KCNIP4: variants seen among roughly 807,000 people sequenced by gnomAD.
KCNIP4 encodes the protein potassium voltage-gated channel interacting protein 4, also known as Kv channel-interacting protein 4.
Under a neutral mutation model 34.0 loss-of-function variants are expected in KCNIP4, and 12 were observed. That is an observed-to-expected ratio of 0.35 (90% CI 0.23 to 0.57). The LOEUF is 0.57. Among genes scored for constraint, KCNIP4 ranks in the 20% least tolerant of loss-of-function variants. The pLI, the probability that KCNIP4 is intolerant of heterozygous loss-of-function variation, is 0.83. For synonymous variants in KCNIP4, 124 were observed against 102.2 expected, an observed-to-expected ratio of 1.21 and a Z score of -1.29; for missense variants, 238 against 311.7, an observed-to-expected ratio of 0.76 and a Z score of 1.78.
At chr4:21,208,354 G>T (rs574934437) in intron 1 of KCNIP4, among the ~76,000 whole-genome samples, 11 of 152,208 alleles carry the variant, frequency 7.2e-5, no homozygotes, top group African/African-American at 1.4e-4. Context: ...CTCTTTCTAA[G>T]ATACATCAAG....
chr4:21,381,973 C>A (rs1721553639), intron 1 of KCNIP4, among the ~76,000 whole-genome samples: 1 of 152,028 alleles, frequency 6.6e-6, no homozygotes, highest in African/African-American at 2.4e-5. Context: ...CAACAGGCTG[C>A]AAAAGAGACA....
chr4:21,583,356 G>A (rs928960249), intron 1 of KCNIP4, among the ~76,000 whole-genome samples: 6 of 151,906 alleles, frequency 3.9e-5, no homozygotes, highest in Admixed American at 2.0e-4. Context: ...GGATCCTCAT[G>A]GGCAAAATTA....
At position 20,922,547 on chromosome 4, in the gene KCNIP4, G is replaced by GTCTGTCTGTCTATCTATCTATCTA. The variant is rs373186954; in HGVS notation, c.62-39839_62-39838insTAGATAGATAGATAGACAGACAGA. Among the ~76,000 whole-genome samples, 532 of 129,494 alleles carry GTCTGTCTGTCTATCTATCTATCTA rather than the reference G, an allele frequency of 4.1e-3. 2 individuals are homozygous for GTCTGTCTGTCTATCTATCTATCTA. The highest frequency in any genetic ancestry group is 0.016 in the Middle Eastern group (4 of 248). 85.0% of individuals were successfully genotyped at this position (129,494 alleles called of 152,430 possible). A position where few individuals can be genotyped will look rare whatever the true frequency, so the allele number is the denominator to read the frequency against. On this transcript the variant is annotated intron_variant, in intron 1 of 8. Transcript: ENST00000382152. ...TGTCTGTCTGTCTGTCTGTCTGTCT[G>GTCTGTCTGTCTATCTATCTATCTA]TCTATCTATCTATCTATCTATCTAT...
intron 1 of KCNIP4, among the ~76,000 whole-genome samples, chr4:21,045,141 GA>G (rs1348205329): frequency 6.6e-6 from 1 of 152,180 alleles, no homozygotes; most frequent in African/African-American, 2.4e-5. Flanking sequence ...CTATGAACAA[GA>G]GATCTATAGT....
At chr4:21,342,004 T>G (rs1373060292) in intron 1 of KCNIP4, among the ~76,000 whole-genome samples, 1 of 152,102 alleles carries the variant, frequency 6.6e-6, no homozygotes, top group African/African-American at 2.4e-5. Context: ...TGTCCCCTCT[T>G]ATAAGGACTA....
intron 1 of KCNIP4, among the ~76,000 whole-genome samples, chr4:21,248,962 G>A (rs1421184232): frequency 6.6e-6 from 1 of 152,076 alleles, no homozygotes; most frequent in Non-Finnish European, 1.5e-5. Flanking sequence ...AACCCAAGTG[G>A]TCAACCAGTA....
At chr4:21,433,759 A>G (rs1440649612) in intron 1 of KCNIP4, among the ~76,000 whole-genome samples, 2 of 152,074 alleles carry the variant, frequency 1.3e-5, no homozygotes, top group Non-Finnish European at 1.5e-5. Flanking sequence ...TTCCTTCCTA[A>G]TCTGAATCTC....
chr4:21,129,927 A>G lies in KCNIP4; in HGVS notation c.62-247218T>C, dbSNP rs183016400. Among the ~76,000 whole-genome samples the G allele has an allele frequency of 7.2e-5, 11 of 152,028 alleles. No homozygotes were observed. The East Asian group carries it at 1.9e-3, about 27-fold the overall frequency. On this transcript the variant is annotated intron_variant, in intron 1 of 8. Transcript: ENST00000382152. ...AGTGTGAATGTAAATGATGTTTTGT[A>G]TATCACTGACTCAAAGACTTCTTAC... is the stretch of plus-strand genomic sequence containing the variant.
chr4:21,414,329 A>G (rs1243159264), intron 1 of KCNIP4, among the ~76,000 whole-genome samples: 5 of 152,220 alleles, frequency 3.3e-5, no homozygotes, highest in African/African-American at 4.8e-5. Flanking sequence ...AGACATATAA[A>G]ACAATGTCCA....
chr4:21,705,527 C>A (rs1713197259), intron 1 of KCNIP4, among the ~76,000 whole-genome samples: 1 of 152,170 alleles, frequency 6.6e-6, no homozygotes, highest in South Asian at 2.1e-4. Flanking sequence ...GCTGAATATA[C>A]ATGAGTGAAC....
intron 1 of KCNIP4, among the ~76,000 whole-genome samples, chr4:21,800,664 T>C (rs1267975136): frequency 2.1e-4 from 32 of 152,144 alleles, no homozygotes; most frequent in Admixed American, 2.1e-3. Context: ...ATTCACATGA[T>C]GATCTAAAAA....
intron 1 of KCNIP4, among the ~76,000 whole-genome samples, chr4:21,303,395 A>T (rs1278166638): frequency 6.6e-6 from 1 of 152,218 alleles, no homozygotes. Context: ...TTTCCATTTG[A>T]TCAATGTATT....
intron 1 of KCNIP4, among the ~76,000 whole-genome samples, chr4:21,629,662 A>T (rs1487549953): frequency 6.6e-6 from 1 of 152,130 alleles, no homozygotes; most frequent in Non-Finnish European, 1.5e-5. Context: ...AGTTTTAAAA[A>T]ATGTTCTTCA....
At chr4:21,586,605 T>A (rs115655772) in intron 1 of KCNIP4, among the ~76,000 whole-genome samples, 3,487 of 152,178 alleles carry the variant, frequency 0.023, 145 homozygotes, top group African/African-American at 0.079. Context: ...AGATCTTCCC[T>A]TTGATACTAA....
chr4:21,464,170 A>G (rs980179752), intron 1 of KCNIP4, among the ~76,000 whole-genome samples: 1 of 151,736 alleles, frequency 6.6e-6, no homozygotes, highest in Non-Finnish European at 1.5e-5. Context: ...ATTAGAATTG[A>G]TTGATTTTTT....
At chr4:21,323,277 A>G (rs560389654) in intron 1 of KCNIP4, among the ~76,000 whole-genome samples, 11 of 151,828 alleles carry the variant, frequency 7.2e-5, no homozygotes, top group Middle Eastern at 3.4e-3. Flanking sequence ...ATACAATTCA[A>G]TTATGCTCTT....
intron 3 of KCNIP4, among the ~76,000 whole-genome samples, chr4:20,849,260 T>C (rs1188614387): frequency 1.3e-5 from 2 of 151,932 alleles, no homozygotes; most frequent in Non-Finnish European, 2.9e-5. Context: ...TGATCAAATT[T>C]TGGAGAAGAA....
At chr4:21,303,524 G>A (rs965220334) in intron 1 of KCNIP4, among the ~76,000 whole-genome samples, 2 of 152,084 alleles carry the variant, frequency 1.3e-5, no homozygotes, top group Non-Finnish European at 2.9e-5. Flanking sequence ...CTCAAAATAA[G>A]CAGGTAGATC....
At chr4:21,388,987 T>A (rs76685782) in intron 1 of KCNIP4, among the ~76,000 whole-genome samples, 4 of 12,056 alleles carry the variant, frequency 3.3e-4, no homozygotes, top group African/African-American at 4.8e-4. Flanking sequence ...TATTGTCTTG[T>A]TTTTTTTTTT....
Sources: gnomAD v4.1 joint callset for allele counts (sites outside exome capture counted in the v4.1 genomes callset) on GRCh38, gnomAD v4.1.1 for gene constraint, MANE v1.5 for transcripts, NCBI Gene and HGNC (gene_info 2026-07-23, HGNC 2026-07-21) for gene names.